The following C13orf42 variants were observed in gnomAD, a reference collection of about 807,000 sequenced individuals.
The protein encoded by C13orf42 is chromosome 13 open reading frame 42, also known as uncharacterized protein C13orf42.
chr13:51,171,581 C>G (rs1310610299), intron 1 of C13orf42, among the ~76,000 whole-genome samples: 2 of 152,004 alleles, frequency 1.3e-5, no homozygotes, highest in Non-Finnish European at 2.9e-5. Flanking sequence ...CCCAATTCTT[C>G]CTCAGCCTCT....
At chr13:51,110,680 G>A (rs1041095317) in intron 1 of C13orf42, 116 bp downstream of exon 1, 3 of 397,122 alleles carry the variant, frequency 7.6e-6, no homozygotes, top group African/African-American at 4.1e-5. Context: ...ATTGCGCCGC[G>A]GCTCAGAATG....
chr13:51,120,110 T>C (rs1953522133), intron 1 of C13orf42, among the ~76,000 whole-genome samples: 1 of 152,230 alleles, frequency 6.6e-6, no homozygotes, highest in African/African-American at 2.4e-5. Context: ...TTACTAATAA[T>C]GTAAATGGTT....
Position 51,105,460 on chromosome 13 carries a change from A to T in C13orf42, c.414+5336T>A, listed in dbSNP as rs539568057. 1.3e-4 allele frequency among the ~76,000 whole-genome samples: 20 copies of T among 152,354 alleles called. 1 individual carries two copies. The South Asian group carries it at 3.9e-3, about 30-fold the overall frequency. On this transcript the variant is annotated intron_variant, in intron 1 of 3. Coordinates refer to ENST00000563710, the MANE Select transcript of C13orf42 (RefSeq NM_001351589.3). ...ATTAATAAACTGTTACTAAAATATT[A>T]TTAAGGGCATCACTAACCACATCAC...
At chr13:51,099,521 T>C (rs1953265419) in intron 1 of C13orf42, among the ~76,000 whole-genome samples, 1 of 152,220 alleles carries the variant, frequency 6.6e-6, no homozygotes. Context: ...TATAACTAAA[T>C]ATTAAAATAG....
At chr13:51,087,169 C>CT (rs1953136934) in intron 2 of C13orf42, among the ~76,000 whole-genome samples, 1 of 152,304 alleles carries the variant, frequency 6.6e-6, no homozygotes, top group African/African-American at 2.4e-5. Context: ...GGGTGCTCAA[C>CT]TGATGAATGT....
At chr13:51,118,964 G>A (rs1953512302) in intron 1 of C13orf42, among the ~76,000 whole-genome samples, 1 of 151,964 alleles carries the variant, frequency 6.6e-6, no homozygotes, top group Non-Finnish European at 1.5e-5. Flanking sequence ...GGTGTGCCCA[G>A]GCATACAGCA....
At chr13:51,113,322 AGCT>A (rs1013191276), upstream of C13orf42, 9 of 152,258 alleles carry the variant, frequency 5.9e-5, no homozygotes, top group Admixed American at 1.3e-4. Flanking sequence ...ATGACCCAGC[AGCT>A]GACTGCTGTC....
At chr13:51,140,721 T>C (rs1378905422) in intron 1 of C13orf42, among the ~76,000 whole-genome samples, 1 of 152,154 alleles carries the variant, frequency 6.6e-6, no homozygotes, top group African/African-American at 2.4e-5. Context: ...CCTGCTTCCA[T>C]GACGATGGAA....
chr13:51,083,713 TAGAA>T lies in C13orf42; in HGVS notation c.*434_*437del, dbSNP rs1199086033. On this transcript the variant is annotated 3_prime_UTR_variant, in exon 4 of 4. Coordinates refer to ENST00000563710, the MANE Select transcript of C13orf42 (RefSeq NM_001351589.3). ...AGATCCAGCATGTCTCTGAGCCTCATAGAAAGAGGAGCTACCTCTTTGAAGCTTT... is the reference window on the plus strand; with the variant it reads ...AGATCCAGCATGTCTCTGAGCCTCATAGAGGAGCTACCTCTTTGAAGCTTT... 1 of 153,764 alleles carries T rather than the reference TAGAA, an allele frequency of 6.5e-6. No individual in the cohort carries two copies. Among genetic ancestry groups the T allele is most frequent in the Non-Finnish European group, 1.4e-5 (1 of 69,144 alleles). The allele number at this position is 153,764 out of a possible 1,614,324, so 9.5% of individuals were successfully genotyped here. A position where few individuals can be genotyped will look rare whatever the true frequency, so the allele number is the denominator to read the frequency against.
upstream of C13orf42, chr13:51,113,152 G>C (rs548323460): frequency 6.6e-6 from 1 of 152,320 alleles, no homozygotes; most frequent in East Asian, 1.9e-4. Context: ...ATCACAAAGG[G>C]AATAAAACTG....
intron 1 of C13orf42, among the ~76,000 whole-genome samples, chr13:51,141,943 G>T (rs1383495879): frequency 1.3e-5 from 2 of 152,144 alleles, no homozygotes; most frequent in African/African-American, 2.4e-5. Flanking sequence ...CTTAAGAATT[G>T]CCAGCATACA....
intron 1 of C13orf42, among the ~76,000 whole-genome samples, chr13:51,141,614 A>G (rs1284838356): frequency 6.6e-6 from 1 of 152,116 alleles, no homozygotes; most frequent in Non-Finnish European, 1.5e-5. Flanking sequence ...CCTGGCCAAC[A>G]TGGTGAAACT....
intron 1 of C13orf42, among the ~76,000 whole-genome samples, chr13:51,110,070 G>A (rs1953410096): frequency 6.6e-6 from 1 of 152,196 alleles, no homozygotes. Flanking sequence ...AAGAGACACA[G>A]ACTCTCTCCG....
chr13:51,171,479 G>A (rs1300467625), intron 1 of C13orf42, among the ~76,000 whole-genome samples: 3 of 151,214 alleles, frequency 2.0e-5, no homozygotes, highest in Admixed American at 2.0e-4. Flanking sequence ...CCAACCCCAA[G>A]CGTCGCTGAG....
At chr13:51,091,716 A>G (rs1953181883) in intron 1 of C13orf42, among the ~76,000 whole-genome samples, 1 of 152,166 alleles carries the variant, frequency 6.6e-6, no homozygotes, top group South Asian at 2.1e-4. Flanking sequence ...AGGGACCCGA[A>G]CATAGGGGAG....
At chr13:51,127,578 T>C (rs1953586608) in intron 1 of C13orf42, among the ~76,000 whole-genome samples, 1 of 152,200 alleles carries the variant, frequency 6.6e-6, no homozygotes, top group South Asian at 2.1e-4. Context: ...AGGCAAACAC[T>C]GCAAAGTGTT....
rs1207411518 is a variant in C13orf42 at position 51,087,370 on chromosome 13, TCAAATA to T, written c.562+552_562+557del. ...CTACGTATGGTCAGAAGCTGGATTC[TCAAATA>T]CAGTTTGTCCATTTCATTTCTTTTT... On this transcript the variant is annotated intron_variant, in intron 2 of 3. Transcript: ENST00000563710. 5.3e-5 allele frequency among the ~76,000 whole-genome samples: 8 copies of T among 152,338 alleles called. No homozygotes were observed. In the East Asian group the frequency reaches 1.5e-3, roughly 29 times the overall value.
At chr13:51,167,083 AAAAAAC>A (rs2138053748) in intron 1 of C13orf42, among the ~76,000 whole-genome samples, 1 of 152,028 alleles carries the variant, frequency 6.6e-6, no homozygotes, top group East Asian at 1.9e-4. Flanking sequence ...CATCTCAAAA[AAAAAAC>A]AAAAAACCAA....
chr13:51,165,836 T>A (rs959093125), intron 1 of C13orf42, among the ~76,000 whole-genome samples: 1 of 152,210 alleles, frequency 6.6e-6, no homozygotes, highest in African/African-American at 2.4e-5. Context: ...TCATATTTTC[T>A]GGAAAATGAG....
Sources: gnomAD v4.1 joint callset for allele counts (sites outside exome capture counted in the v4.1 genomes callset) on GRCh38, gnomAD v4.1.1 for gene constraint, MANE v1.5 for transcripts, NCBI Gene and HGNC (gene_info 2026-07-23, HGNC 2026-07-21) for gene names.